Variants in ZDHHC20 observed in about 807,000 individuals in gnomAD.
The protein encoded by ZDHHC20 is palmitoyltransferase ZDHHC20.
A neutral mutation model predicts 57.8 loss-of-function variants in ZDHHC20; 43 were observed. The ratio of observed to expected loss-of-function variants is 0.74; its 90% CI spans 0.58 to 0.96. The LOEUF (loss-of-function observed/expected upper bound fraction) is 0.96. Among genes scored for constraint, ZDHHC20 ranks in the 40% least tolerant of loss-of-function variants. The probability of loss-of-function intolerance (pLI) is 0.00; values close to 1 mark genes in which losing one functional copy is unlikely to be tolerated. For synonymous variants in ZDHHC20, 157 were observed against 153.0 expected (o/e 1.03, Z -0.19); for missense variants, 391 against 441.1 (o/e 0.89, Z 1.02).
chr13:21,422,182 A>C (rs1451549119), intron 2 of ZDHHC20, among the ~76,000 whole-genome samples: 4 of 151,800 alleles, frequency 2.6e-5, no homozygotes, highest in Non-Finnish European at 5.9e-5. Context: ...ATTTTCTCCA[A>C]AATTTGGTCC....
chr13:21,407,177 G>A (rs1878566634), intron 4 of ZDHHC20, among the ~76,000 whole-genome samples: 1 of 152,064 alleles, frequency 6.6e-6, no homozygotes. Context: ...ATTTTGTTTA[G>A]TAGAGATGGG....
Position 21,387,582 on chromosome 13 carries a change from A to G in ZDHHC20, c.780T>C (p.Ser260=). 1 of 1,520,236 alleles carries G rather than the reference A, an allele frequency of 6.6e-7. No individual in the cohort carries two copies. Among genetic ancestry groups the G allele is most frequent in the Non-Finnish European group, 8.8e-7 (1 of 1,130,388 alleles). 94.2% of individuals were successfully genotyped at this position (1,520,236 alleles called of 1,614,324 possible). A position where few individuals can be genotyped will look rare whatever the true frequency, so the allele number is the denominator to read the frequency against. The part of the protein sequence containing the change: ...FSYGPDGNGF[S]LGCSKNWRQV... Reference sequence around the variant, plus strand: ...GTCTCCAATTTTTACTGCATCCAAGAGAGAAACCATTTCCATCAGGTCCGT... The same window carrying G: ...GTCTCCAATTTTTACTGCATCCAAGGGAGAAACCATTTCCATCAGGTCCGT... The change falls in exon 9 of 13, where the codon TCT becomes TCC. Residue 260 remains serine, a synonymous_variant. Coordinates refer to ENST00000400590, the MANE Select transcript of ZDHHC20 (RefSeq NM_001330059.2).
intron 2 of ZDHHC20, among the ~76,000 whole-genome samples, chr13:21,422,467 A>T (rs1286704293): frequency 6.6e-6 from 1 of 152,122 alleles, no homozygotes; most frequent in Non-Finnish European, 1.5e-5. Flanking sequence ...TTCTTCTGAA[A>T]TTGTATTGGG....
At chr13:21,398,534 ATTC>A (rs1176545128) in intron 7 of ZDHHC20, among the ~76,000 whole-genome samples, 1 of 152,184 alleles carries the variant, frequency 6.6e-6, no homozygotes, top group African/African-American at 2.4e-5. Flanking sequence ...TGGAGCTTAG[ATTC>A]TGGCAAATAA....
chr13:21,381,498 G>C lies in ZDHHC20; in HGVS notation c.996C>G (p.Asn332Lys), dbSNP rs1472999995. ...FPIKPLSESK[N>K]RLLDSESQWL... ...ACTGAGATTCACTGTCCAACAAGCG[G>C]TTTTTTGATTCACTAAGTGGTTTGA... The change falls in exon 11 of 13, where the codon AAC becomes AAG. Residue 332 changes from asparagine (N) to lysine (K), a missense_variant. Asn to Lys is a moderately conservative substitution (Grantham distance 94). Transcript: ENST00000400590. The C allele has an allele frequency of 1.2e-6, 2 of 1,613,718 alleles. No homozygotes were observed. Among genetic ancestry groups the C allele is most frequent in the African/African-American group, 2.7e-5 (2 of 74,910 alleles).
intron 1 of ZDHHC20, among the ~76,000 whole-genome samples, chr13:21,427,834 CAA>C (rs755599024): frequency 8.6e-5 from 8 of 92,520 alleles, no homozygotes; most frequent in African/African-American, 1.4e-4. Context: ...GACTCTGTTT[CAA>C]AAAAAAAAAA....
At chr13:21,407,044 A>T in intron 4 of ZDHHC20, among the ~76,000 whole-genome samples, 1 of 152,088 alleles carries the variant, frequency 6.6e-6, no homozygotes, top group Non-Finnish European at 1.5e-5. Flanking sequence ...GCTGGAGTGC[A>T]GTGGCGTGAT....
chr13:21,387,262 AT>A (rs1163611592), intron 9 of ZDHHC20, among the ~76,000 whole-genome samples: 1 of 152,094 alleles, frequency 6.6e-6, no homozygotes, highest in Non-Finnish European at 1.5e-5. Flanking sequence ...AAAAAATCTT[AT>A]TTTTTTAGTG....
intron 1 of ZDHHC20, among the ~76,000 whole-genome samples, chr13:21,443,233 T>C (rs1883354545): frequency 6.6e-6 from 1 of 152,206 alleles, no homozygotes; most frequent in African/African-American, 2.4e-5. Flanking sequence ...AGTGGTGTTT[T>C]TTTTTAAGGC....
At position 21,374,814 on chromosome 13, in the gene ZDHHC20, T is replaced by A. The variant is rs540961019; in HGVS notation, c.*1882A>T. 7 of 274,616 alleles carry A rather than the reference T, an allele frequency of 2.5e-5. No individual in the cohort carries two copies. In the South Asian group the frequency reaches 2.6e-4, roughly 10 times the overall value. The allele number at this position is 274,616 out of a possible 1,614,324, so 17.0% of individuals were successfully genotyped here. Reference sequence around the variant, plus strand: ...AATGACAGAGCTATTCCTAGTTTATTATTTAGCATACAGAAGGTACTCCAA... The same window carrying A: ...AATGACAGAGCTATTCCTAGTTTATAATTTAGCATACAGAAGGTACTCCAA... On this transcript the variant is annotated 3_prime_UTR_variant, in exon 13 of 13. Transcript: ENST00000400590.
chr13:21,449,475 G>T (rs9316380), intron 1 of ZDHHC20, among the ~76,000 whole-genome samples: 61 of 151,846 alleles, frequency 4.0e-4, no homozygotes, highest in African/African-American at 1.4e-3. Context: ...ACATGATGAC[G>T]GGAATGTCCC....
intron 1 of ZDHHC20, among the ~76,000 whole-genome samples, chr13:21,445,914 A>AGC (rs1883647321): frequency 6.6e-6 from 1 of 152,224 alleles, no homozygotes; most frequent in Admixed American, 6.5e-5. Context: ...CTACCTGAAC[A>AGC]GCGATCTAGA....
chr13:21,447,311 T>G (rs1768798973), intron 1 of ZDHHC20, among the ~76,000 whole-genome samples: 1 of 150,036 alleles, frequency 6.7e-6, no homozygotes, highest in African/African-American at 2.5e-5. Flanking sequence ...CGTCTCCCTC[T>G]CCCTCTCCCC....
At chr13:21,380,128 T>A (rs1213471720) in intron 11 of ZDHHC20, among the ~76,000 whole-genome samples, 1 of 150,444 alleles carries the variant, frequency 6.6e-6, no homozygotes, top group Non-Finnish European at 1.5e-5. Flanking sequence ...TTTTCCTTTC[T>A]TCCCCGAGAT....
At chr13:21,404,760 A>G (rs1878216442) in intron 4 of ZDHHC20, among the ~76,000 whole-genome samples, 1 of 152,116 alleles carries the variant, frequency 6.6e-6, no homozygotes, top group Non-Finnish European at 1.5e-5. Flanking sequence ...TCTCAAAAAA[A>G]AAAAAAAAGC....
intron 7 of ZDHHC20, among the ~76,000 whole-genome samples, chr13:21,398,419 G>A (rs561960633): frequency 6.5e-4 from 98 of 150,760 alleles, no homozygotes; most frequent in African/African-American, 2.2e-3. Flanking sequence ...AGCCAAGATC[G>A]CGCCACTGCA....
intron 1 of ZDHHC20, among the ~76,000 whole-genome samples, chr13:21,456,231 C>A (rs1251001016): frequency 2.0e-5 from 3 of 151,868 alleles, no homozygotes; most frequent in African/African-American, 7.3e-5. Flanking sequence ...CAAGGTGAAA[C>A]CCCCGTCTCT....
intron 4 of ZDHHC20, 144 bp from the exon 5 acceptor site, chr13:21,403,010 T>C (rs941893226): frequency 1.6e-6 from 1 of 628,044 alleles, no homozygotes; most frequent in African/African-American, 1.8e-5. Flanking sequence ...CCAAAATGTA[T>C]TATACTAGAG....
intron 1 of ZDHHC20, among the ~76,000 whole-genome samples, chr13:21,430,513 G>C (rs748564136): frequency 1.3e-4 from 19 of 150,480 alleles, no homozygotes; most frequent in Middle Eastern, 3.5e-3. Context: ...AGACACAGGA[G>C]GGGGGTCTTG....
Sources: gnomAD v4.1 joint callset for allele counts (sites outside exome capture counted in the v4.1 genomes callset) on GRCh38, gnomAD v4.1.1 for gene constraint, MANE v1.5 for transcripts, NCBI Gene and HGNC (gene_info 2026-07-23, HGNC 2026-07-21) for gene names.